The following DPP6 variants were observed in gnomAD, a reference collection of about 807,000 sequenced individuals.
DPP6 encodes dipeptidyl peptidase like 6.
In DPP6, 69 loss-of-function variants were observed where a neutral mutation model predicts 122.6. The ratio of observed to expected loss-of-function variants is 0.56; its 90% CI spans 0.46 to 0.69. The LOEUF is 0.69. Among genes scored for constraint, DPP6 ranks in the 30% least tolerant of loss-of-function variants. The pLI, the probability that DPP6 is intolerant of heterozygous loss-of-function variation, is 0.00. For synonymous variants in DPP6, 418 were observed against 433.1 expected, an observed-to-expected ratio of 0.97 and a Z score of 0.43; for missense variants, 928 against 1,116.9, an observed-to-expected ratio of 0.83 and a Z score of 2.41.
chr7:154,142,645 C>T (rs1374526358), intron 1 of DPP6, among the ~76,000 whole-genome samples: 1 of 152,216 alleles, frequency 6.6e-6, no homozygotes, highest in African/African-American at 2.4e-5. Context: ...ATTAATGTCA[C>T]ATGGACTTCC....
At chr7:153,983,160 A>G (rs1466622337) in intron 1 of DPP6, among the ~76,000 whole-genome samples, 1 of 152,182 alleles carries the variant, frequency 6.6e-6, no homozygotes, top group Non-Finnish European at 1.5e-5. Flanking sequence ...GCCCCTTCCC[A>G]AAGGTGCTGT....
At chr7:154,337,775 G>C (rs7807401) in intron 1 of DPP6, among the ~76,000 whole-genome samples, 10,586 of 152,264 alleles carry the variant, frequency 0.07, 1,146 homozygotes, top group African/African-American at 0.23. Context: ...GAGAATGAAG[G>C]CTCACGCCCA....
the DPP6 span, among the ~76,000 whole-genome samples, chr7:153,853,450 A>G: frequency 6.6e-6 from 1 of 152,238 alleles, no homozygotes; most frequent in Non-Finnish European, 1.5e-5. Flanking sequence ...CCCTTGAACT[A>G]GAAACCTGGG....
intron 1 of DPP6, among the ~76,000 whole-genome samples, chr7:154,146,262 T>C (rs931560021): frequency 9.7e-6 from 1 of 102,666 alleles, no homozygotes; most frequent in African/African-American, 3.1e-5. Context: ...CTCCTGACTT[T>C]GTGTCTCTGT....
intron 5 of DPP6, among the ~76,000 whole-genome samples, chr7:154,594,386 A>G (rs983501970): frequency 1.3e-5 from 2 of 152,206 alleles, no homozygotes; most frequent in Non-Finnish European, 2.9e-5. Context: ...CTTACTCATT[A>G]CTGTATCCTC....
chr7:154,240,028 A>G (rs1801485643), intron 1 of DPP6, among the ~76,000 whole-genome samples: 1 of 122,768 alleles, frequency 8.1e-6, no homozygotes, highest in Admixed American at 8.6e-5. Flanking sequence ...AAAAAAAAAA[A>G]AAAAAAAAAA....
At chr7:154,322,429 T>A (rs1808054115) in intron 1 of DPP6, among the ~76,000 whole-genome samples, 1 of 152,046 alleles carries the variant, frequency 6.6e-6, no homozygotes, top group African/African-American at 2.4e-5. Context: ...GGCAAAAGAG[T>A]CAACTACCGA....
At chr7:154,140,284 CATT>C (rs1795781076) in intron 1 of DPP6, among the ~76,000 whole-genome samples, 1 of 152,184 alleles carries the variant, frequency 6.6e-6, no homozygotes, top group Non-Finnish European at 1.5e-5. Context: ...CCAATCCACA[CATT>C]ATGAAAGACA....
chr7:153,807,844 C>A, the DPP6 span, among the ~76,000 whole-genome samples: 1 of 151,930 alleles, frequency 6.6e-6, no homozygotes, highest in Non-Finnish European at 1.5e-5. Flanking sequence ...GATCTTGTGG[C>A]TTGAAAGAAG....
intron 1 of DPP6, among the ~76,000 whole-genome samples, chr7:154,417,811 C>A (rs1420277928): frequency 6.6e-6 from 1 of 152,262 alleles, no homozygotes; most frequent in Non-Finnish European, 1.5e-5. Flanking sequence ...GTGCCACCCT[C>A]ATCGCCTCTT....
chr7:154,693,094 C>A (rs2131226344), intron 7 of DPP6, among the ~76,000 whole-genome samples: 1 of 108,658 alleles, frequency 9.2e-6, no homozygotes, highest in South Asian at 4.6e-4. Flanking sequence ...GCCTGGCCCT[C>A]TTTATTTTTC....
intron 1 of DPP6, among the ~76,000 whole-genome samples, chr7:154,340,148 G>A (rs1386904057): frequency 1.3e-5 from 2 of 152,128 alleles, no homozygotes; most frequent in Non-Finnish European, 2.9e-5. Context: ...ATCTTAGTTG[G>A]TTAAGATTGA....
At chr7:154,842,163 G>A (rs1457754371) in intron 16 of DPP6, among the ~76,000 whole-genome samples, 5 of 152,182 alleles carry the variant, frequency 3.3e-5, no homozygotes, top group African/African-American at 7.2e-5. Context: ...TATCTCGCTC[G>A]GCCAGAGCCT....
the DPP6 span, among the ~76,000 whole-genome samples, chr7:153,861,891 G>C: frequency 6.6e-6 from 1 of 152,182 alleles, no homozygotes; most frequent in African/African-American, 2.4e-5. Context: ...CAATTCTTTG[G>C]GGGGAAAAAG....
Position 154,019,639 on chromosome 7 carries a change from A to G in DPP6, c.51+131905A>G, listed in dbSNP as rs140204214. Among the ~76,000 whole-genome samples the G allele has an allele frequency of 5.0e-3, 760 of 152,328 alleles. 4 individuals carry two copies. The highest frequency in any genetic ancestry group is 0.018 in the African/African-American group (733 of 41,576). ...TACAAAGCAGTTGTATTGCTTTTCA[A>G]ATTCCCTCTTCAGTGAACATAGTCA... On this transcript the variant is annotated intron_variant, in intron 1 of 25. Transcript: ENST00000404039.
At chr7:154,464,590 TAGAG>T (rs1821624581) in intron 2 of DPP6, among the ~76,000 whole-genome samples, 1 of 152,180 alleles carries the variant, frequency 6.6e-6, no homozygotes, top group African/African-American at 2.4e-5. Context: ...TCTGAAGCCA[TAGAG>T]AGAGGAAAAA....
chr7:153,799,928 C>T, the DPP6 span, among the ~76,000 whole-genome samples: 1 of 152,100 alleles, frequency 6.6e-6, no homozygotes, highest in South Asian at 2.1e-4. Flanking sequence ...GCATATCTGG[C>T]AGAGATGCAC....
intron 5 of DPP6, chr7:154,587,816 A>G (rs1445021845): frequency 1.2e-6 from 2 of 1,612,652 alleles, no homozygotes; most frequent in South Asian, 2.2e-5. Context: ...TCGGCAGTCA[A>G]TGGATACAGC....
the DPP6 span, among the ~76,000 whole-genome samples, chr7:153,852,618 A>G: frequency 6.6e-6 from 1 of 152,182 alleles, no homozygotes; most frequent in Non-Finnish European, 1.5e-5. Flanking sequence ...GCAGGGACAC[A>G]GTTCCAAACC....
Sources: gnomAD v4.1 joint callset for allele counts (sites outside exome capture counted in the v4.1 genomes callset) on GRCh38, gnomAD v4.1.1 for gene constraint, MANE v1.5 for transcripts, NCBI Gene and HGNC (gene_info 2026-07-23, HGNC 2026-07-21) for gene names.